TG: variants seen among roughly 807,000 people sequenced by gnomAD.
TG encodes thyroid hormones.
Under a neutral mutation model 324.7 loss-of-function variants are expected in TG, and 270 were observed. The observed-to-expected ratio is 0.83, with a 90% CI of 0.75 to 0.92. TG has a LOEUF of 0.92. Ranked by LOEUF, TG falls within the 40% of genes least tolerant of loss-of-function variation. TG has a pLI of 0.00. For missense variants in TG, 3,591 were observed against 3,456.4 expected, an observed-to-expected ratio of 1.04 and a Z score of -0.98; for synonymous variants, 1,401 against 1,327.0, an observed-to-expected ratio of 1.06 and a Z score of -1.21.
At chr8:133,052,975 C>T (rs1410124431) in intron 41 of TG, among the ~76,000 whole-genome samples, 2 of 152,134 alleles carry the variant, frequency 1.3e-5, no homozygotes, top group African/African-American at 4.8e-5. Flanking sequence ...TAATGGCCCC[C>T]ACATATGAAT....
chr8:133,008,512 A>G (rs1564068091), intron 35 of TG, among the ~76,000 whole-genome samples: 1 of 152,346 alleles, frequency 6.6e-6, no homozygotes, highest in East Asian at 1.9e-4. Flanking sequence ...AAATGAAAAA[A>G]AAACAAAATA....
chr8:133,127,993 ACTC>A (rs1294549124), intron 45 of TG, among the ~76,000 whole-genome samples: 2 of 150,364 alleles, frequency 1.3e-5, no homozygotes, highest in Admixed American at 6.6e-5. Context: ...GTTTCCATAA[ACTC>A]CTTTCCATTT....
intron 1 of TG, 30 bp downstream of exon 1, chr8:132,867,097 T>G (rs1839000495): frequency 6.3e-7 from 1 of 1,575,524 alleles, no homozygotes; most frequent in African/African-American, 1.4e-5. Flanking sequence ...AGCCAGGCGG[T>G]GGGGAGGGAG....
chr8:133,090,128 A>G (rs896306495), intron 41 of TG: 1 of 152,240 alleles, frequency 6.6e-6, no homozygotes, highest in Non-Finnish European at 1.5e-5. Flanking sequence ...GGAATAAAAT[A>G]GAGTCAAAAG....
chr8:133,028,514 G>C (rs117380030), intron 40 of TG, among the ~76,000 whole-genome samples: 1 of 152,316 alleles, frequency 6.6e-6, no homozygotes, highest in South Asian at 2.1e-4. Context: ...ACCTAAACCT[G>C]TTCTATTTTA....
rs556940595 is a variant in TG, at chr8:132,980,512, T to C, written c.6200-2838T>C. 1.1e-4 allele frequency among the ~76,000 whole-genome samples: 16 copies of C among 152,214 alleles called. 1 individual carries two copies. Among genetic ancestry groups the C allele is most frequent in the African/African-American group, 3.9e-4 (16 of 41,550 alleles). On this transcript the variant is annotated intron_variant, in intron 34 of 47. Coordinates refer to ENST00000220616, the MANE Select transcript of TG (RefSeq NM_003235.5). ...TCCTTTTGGCTGTTTCTGAGTTGTA[T>C]ACTTTATAATAAAACTTTAATAGAT...
chr8:133,030,055 C>T (rs1836479431), intron 41 of TG, 32 bp downstream of exon 41: 1 of 1,613,616 alleles, frequency 6.2e-7, no homozygotes, highest in East Asian at 2.2e-5. Flanking sequence ...TTCAGTCTTA[C>T]TGCAGATGCG....
At chr8:132,991,703 G>C (rs1832355879) in intron 35 of TG, among the ~76,000 whole-genome samples, 1 of 151,746 alleles carries the variant, frequency 6.6e-6, no homozygotes, top group Non-Finnish European at 1.5e-5. Context: ...AATGAATCAT[G>C]TTGTTAGCAG....
rs1035843394 is a variant in TG at position 132,995,642 on chromosome 8, A to G, written c.6262+12230A>G. The G allele has an allele frequency of 6.3e-6, 3 of 479,142 alleles. No homozygotes were observed. The South Asian group carries it at 2.6e-4, about 42-fold the overall frequency. The allele number at this position is 479,142 out of a possible 1,614,324, so 29.7% of individuals were successfully genotyped here. A position where few individuals can be genotyped will look rare whatever the true frequency, so the allele number is the denominator to read the frequency against. On this transcript the variant is annotated intron_variant, in intron 35 of 47. Coordinates refer to ENST00000220616, the MANE Select transcript of TG (RefSeq NM_003235.5). ...TGCTCTTAGGAGACCCAATTCTTGTACTCTCTCCATGTAGCTTTTGTGTTT... is the reference window on the plus strand; with the variant it reads ...TGCTCTTAGGAGACCCAATTCTTGTGCTCTCTCCATGTAGCTTTTGTGTTT...
At chr8:132,884,862 C>G (rs1297194423) in intron 8 of TG, among the ~76,000 whole-genome samples, 1 of 152,190 alleles carries the variant, frequency 6.6e-6, no homozygotes, top group Non-Finnish European at 1.5e-5. Flanking sequence ...CACTACATAA[C>G]AAATGGATGG....
Position 132,871,275 on chromosome 8 carries a change from A to G in TG, c.275-73A>G, listed in dbSNP as rs1032620414. On this transcript the variant is annotated intron_variant, in intron 3 of 47. Coordinates refer to ENST00000220616, the MANE Select transcript of TG (RefSeq NM_003235.5). The stretch of plus-strand genomic sequence containing the variant: ...AGCTGTGTCCCCTTGGGAAGGGAGC[A>G]TGAGTTTTCCTGGGCTCTGCCCCCT... The G allele has an allele frequency of 2.6e-6, 4 of 1,509,720 alleles. No individual in the cohort carries two copies. In the Admixed American group the frequency reaches 5.0e-5, roughly 19 times the overall value. The allele number at this position is 1,509,720 out of a possible 1,614,324, so 93.5% of individuals were successfully genotyped here. A position where few individuals can be genotyped will look rare whatever the true frequency, so the allele number is the denominator to read the frequency against.
intron 35 of TG, among the ~76,000 whole-genome samples, chr8:132,988,530 C>T (rs1034405546): frequency 1.3e-5 from 2 of 152,146 alleles, no homozygotes; most frequent in Non-Finnish European, 2.9e-5. Flanking sequence ...CTTTACTTTG[C>T]ACTATCATGA....
intron 11 of TG, among the ~76,000 whole-genome samples, chr8:132,895,390 G>A (rs1198732069): frequency 2.6e-5 from 4 of 152,232 alleles, no homozygotes; most frequent in African/African-American, 9.6e-5. Context: ...CGTGGGATTG[G>A]GTCTCAGTGA....
At chr8:133,085,402 A>G (rs1846366875) in intron 41 of TG, among the ~76,000 whole-genome samples, 1 of 152,274 alleles carries the variant, frequency 6.6e-6, no homozygotes, top group Non-Finnish European at 1.5e-5. Context: ...GATGCCATGA[A>G]GAAAGTGAAA....
Position 132,893,891 on chromosome 8 carries a change from G to C in TG, c.2963G>C (p.Arg988Pro), listed in dbSNP as rs16893332. 0.011 allele frequency: 17,872 copies of C among 1,614,008 alleles called. 617 individuals are homozygous for C. The highest frequency in any genetic ancestry group is 0.092 in the African/African-American group (6,877 of 74,976). ...GAGGCTTTCGCGGAGCAGTTTCTGC[G>C]TGGGAGTGATTACGCCATTCGCCTG... is the stretch of plus-strand genomic sequence containing the variant. Reference protein sequence around the residue: ...PREAFAEQFLRGSDYAIRLAA... With the variant: ...PREAFAEQFLPGSDYAIRLAA... Residue 988 changes from arginine to proline, a missense_variant, in exon 11 of 48, where the codon CGT becomes CCT. Coordinates refer to ENST00000220616, the MANE Select transcript of TG (RefSeq NM_003235.5).
intron 16 of TG, 116 bp downstream of exon 16, chr8:132,901,669 C>A (rs1817952796): frequency 8.9e-7 from 1 of 1,121,970 alleles, no homozygotes; most frequent in Non-Finnish European, 1.3e-6. Context: ...GCAGGAAGTG[C>A]AGGAGGGATG....
intron 10 of TG, among the ~76,000 whole-genome samples, chr8:132,889,120 C>T (rs1281557564): frequency 6.6e-6 from 1 of 152,136 alleles, no homozygotes; most frequent in Non-Finnish European, 1.5e-5. Flanking sequence ...ATACATTCAG[C>T]TTTGTGGCAG....
At position 133,095,314 on chromosome 8, in the gene TG, G is replaced by A. The variant is rs2131637330; in HGVS notation, c.7404+106G>A. ...CACCCACCCCAGCCATACCACACAT[G>A]AGGCTGATGACCAACTGGAGCTGGA... On this transcript the variant is annotated intron_variant, in intron 42 of 47. Transcript: ENST00000220616. 2.7e-6 allele frequency: 4 copies of A among 1,492,116 alleles called. No individual in the cohort carries two copies. In the East Asian group the frequency reaches 6.8e-5, roughly 25 times the overall value. 92.4% of individuals were successfully genotyped at this position (1,492,116 alleles called of 1,614,324 possible). A position where few individuals can be genotyped will look rare whatever the true frequency, so the allele number is the denominator to read the frequency against.
intron 35 of TG, among the ~76,000 whole-genome samples, chr8:132,989,279 A>G (rs1238123845): frequency 6.6e-6 from 1 of 152,252 alleles, no homozygotes; most frequent in Non-Finnish European, 1.5e-5. Context: ...ATGCTACTTA[A>G]TTAAATTTAC....
Sources: allele counts gnomAD v4.1 joint callset (sites outside exome capture counted in the v4.1 genomes callset), GRCh38; gene constraint gnomAD v4.1.1; transcripts MANE v1.5; gene names NCBI Gene and HGNC (gene_info 2026-07-23, HGNC 2026-07-21).